The following SYT1 variants were observed in gnomAD, a reference collection of about 807,000 sequenced individuals.
The protein encoded by SYT1 is synaptotagmin 1.
A neutral mutation model predicts 44.8 loss-of-function variants in SYT1; 8 were observed. The ratio of observed to expected loss-of-function variants is 0.18; its 90% CI spans 0.10 to 0.32. The LOEUF is 0.32. Among genes scored for constraint, SYT1 ranks in the 10% least tolerant of loss-of-function variants. The pLI, the probability that SYT1 is intolerant of heterozygous loss-of-function variation, is 1.00. For synonymous variants in SYT1, 154 were observed against 188.8 expected (o/e 0.82, Z 1.51); for missense variants, 286 against 509.3 (o/e 0.56, Z 4.22).
intron 4 of SYT1, among the ~76,000 whole-genome samples, chr12:79,267,004 A>G (rs1175714099): frequency 1.3e-5 from 2 of 152,202 alleles, no homozygotes; most frequent in Non-Finnish European, 2.9e-5. Flanking sequence ...CATAGCAGCC[A>G]TGCAATTCTG....
Position 79,191,750 on chromosome 12 carries a change from T to A in SYT1, c.-17-25753T>A, listed in dbSNP as rs181074180. 1.7e-3 allele frequency among the ~76,000 whole-genome samples: 258 copies of A among 152,240 alleles called. 3 individuals carry two copies. The highest frequency in any genetic ancestry group is 5.9e-3 in the African/African-American group (246 of 41,558). On this transcript the variant is annotated intron_variant, in intron 3 of 10. Coordinates refer to ENST00000261205, the MANE Select transcript of SYT1 (RefSeq NM_005639.3). ...TGGACATTGCTATGCTTCAGGGACT[T>A]CACACATACATAACATCTCCTTTAA... is the stretch of plus-strand genomic sequence containing the variant.
chr12:78,876,772 T>A (rs1467147652), intron 1 of SYT1, among the ~76,000 whole-genome samples: 2 of 81,848 alleles, frequency 2.4e-5, no homozygotes, highest in African/African-American at 1.4e-4. Context: ...ATATTATATA[T>A]TTATATATTA....
intron 1 of SYT1, among the ~76,000 whole-genome samples, chr12:78,932,005 G>A (rs1166480725): frequency 6.6e-6 from 1 of 152,216 alleles, no homozygotes; most frequent in Non-Finnish European, 1.5e-5. Context: ...ATCTGAGTCT[G>A]TGCATGGCTG....
At chr12:79,149,356 G>GT (rs1173374947) in intron 3 of SYT1, among the ~76,000 whole-genome samples, 4 of 152,054 alleles carry the variant, frequency 2.6e-5, no homozygotes. Context: ...ACTGAAATAT[G>GT]TTTTTTCTGT....
At chr12:79,448,809 T>C (rs1459726352) in intron 10 of SYT1, 109 bp from the exon 11 acceptor site, 1 of 941,120 alleles carries the variant, frequency 1.1e-6, no homozygotes, top group Admixed American at 2.1e-5. Flanking sequence ...ATCCTAGTGC[T>C]TGGAGATTGA....
intron 3 of SYT1, among the ~76,000 whole-genome samples, chr12:79,081,186 G>A (rs1049687964): frequency 1.3e-5 from 2 of 152,120 alleles, no homozygotes; most frequent in South Asian, 2.1e-4. Context: ...GCATGTGTAC[G>A]TGTGTGTGCA....
intron 3 of SYT1, among the ~76,000 whole-genome samples, chr12:79,142,432 G>A (rs558372099): frequency 6.6e-6 from 1 of 152,280 alleles, no homozygotes; most frequent in South Asian, 2.1e-4. Context: ...AATAAATAGA[G>A]GGCTGGCTTG....
chr12:79,018,363 G>C (rs1871953547), intron 2 of SYT1, among the ~76,000 whole-genome samples: 1 of 136,810 alleles, frequency 7.3e-6, no homozygotes, highest in Non-Finnish European at 1.6e-5. Context: ...GGAGGGGGGA[G>C]GGATAGCATT....
chr12:79,322,639 G>A (rs1031961797), intron 8 of SYT1, among the ~76,000 whole-genome samples: 5 of 152,032 alleles, frequency 3.3e-5, no homozygotes, highest in Non-Finnish European at 5.9e-5. Flanking sequence ...TCAAACTCTC[G>A]GGGCGTTGGG....
rs527537527 is a variant in SYT1 at position 79,408,416 on chromosome 12, G to T, written c.929-35657G>T. Reference sequence around the variant, plus strand: ...GAAAACAAACAGATATGCCCACTTAGATTGGCATTAGTGGGTTTATTGGAA... The same window carrying T: ...GAAAACAAACAGATATGCCCACTTATATTGGCATTAGTGGGTTTATTGGAA... On this transcript the variant is annotated intron_variant, in intron 9 of 10. Coordinates refer to ENST00000261205, the MANE Select transcript of SYT1 (RefSeq NM_005639.3). 5.5e-4 allele frequency among the ~76,000 whole-genome samples: 84 copies of T among 152,288 alleles called. 1 individual carries two copies. The highest frequency in any genetic ancestry group is 2.0e-3 in the African/African-American group (82 of 41,574).
intron 3 of SYT1, among the ~76,000 whole-genome samples, chr12:79,083,740 AACTT>A (rs1877194341): frequency 6.6e-6 from 1 of 152,162 alleles, no homozygotes; most frequent in African/African-American, 2.4e-5. Context: ...AATATACACC[AACTT>A]CAGCAAAATG....
chr12:79,063,949 A>G (rs1875573183), intron 3 of SYT1, among the ~76,000 whole-genome samples: 1 of 152,082 alleles, frequency 6.6e-6, no homozygotes, highest in Non-Finnish European at 1.5e-5. Context: ...TCTCTTCTGT[A>G]TTCTCAAAGC....
At chr12:79,039,795 C>G (rs2137716289) in intron 2 of SYT1, among the ~76,000 whole-genome samples, 1 of 136,352 alleles carries the variant, frequency 7.3e-6, no homozygotes, top group East Asian at 2.2e-4. Context: ...ACAACAGTCC[C>G]CAGAGTGTGA....
At position 79,103,831 on chromosome 12, in the gene SYT1, C is replaced by A. The variant is rs372921777; in HGVS notation, c.-18+56469C>A. On this transcript the variant is annotated intron_variant, in intron 3 of 10. Coordinates refer to ENST00000261205, the MANE Select transcript of SYT1 (RefSeq NM_005639.3). ...TGAAAATGAGCCATAAGAGCTTCAA[C>A]AGATAATGCCAGAGGATGGGGCTCT... Among the ~76,000 whole-genome samples, 12 of 152,176 alleles carry A rather than the reference C, an allele frequency of 7.9e-5. 1 individual carries two copies. The highest frequency in any genetic ancestry group is 7.7e-4 in the East Asian group (4 of 5,176).
chr12:79,166,919 C>T (rs7310582), intron 3 of SYT1, among the ~76,000 whole-genome samples: 14,407 of 151,892 alleles, frequency 0.095, 1,025 homozygotes, highest in African/African-American at 0.2. Flanking sequence ...ACATGTAAAA[C>T]GAGGATATAA....
intron 3 of SYT1, among the ~76,000 whole-genome samples, chr12:79,137,176 A>G (rs1869249634): frequency 6.6e-6 from 1 of 151,364 alleles, no homozygotes; most frequent in African/African-American, 2.4e-5. Context: ...GCTCACTGCA[A>G]CCTCCACCTC....
At chr12:79,444,820 T>C (rs1244868521) in intron 10 of SYT1, among the ~76,000 whole-genome samples, 1 of 152,152 alleles carries the variant, frequency 6.6e-6, no homozygotes, top group African/African-American at 2.4e-5. Context: ...AATATGTTCA[T>C]ATTAAGTTGC....
At chr12:78,891,538 A>G (rs1875050557) in intron 1 of SYT1, among the ~76,000 whole-genome samples, 1 of 151,952 alleles carries the variant, frequency 6.6e-6, no homozygotes, top group African/African-American at 2.4e-5. Context: ...TTGTCAAGAT[A>G]GTTAACAGAA....
intron 3 of SYT1, among the ~76,000 whole-genome samples, chr12:79,131,214 A>G (rs535508999): frequency 5.3e-5 from 8 of 151,844 alleles, no homozygotes; most frequent in Non-Finnish European, 1.2e-4. Context: ...TACATGTGCC[A>G]TGGTGGTTTG....
Sources: gnomAD v4.1 joint callset for allele counts (sites outside exome capture counted in the v4.1 genomes callset) on GRCh38, gnomAD v4.1.1 for gene constraint, MANE v1.5 for transcripts, NCBI Gene and HGNC (gene_info 2026-07-23, HGNC 2026-07-21) for gene names.